ASH1L: variants seen among roughly 807,000 people sequenced by gnomAD.
ASH1L encodes histone-lysine N-methyltransferase ASH1L.
Under a neutral mutation model 269.0 loss-of-function variants are expected in ASH1L, and 23 were observed. That is an observed-to-expected ratio of 0.09 (90% CI 0.06 to 0.12). The LOEUF (loss-of-function observed/expected upper bound fraction) is 0.12, where lower values mean the gene tolerates loss of function less well. ASH1L is among the 10% of genes least tolerant of loss of function. The pLI is 1.00. For synonymous variants in ASH1L, 1,187 were observed against 1,253.5 expected (o/e 0.95, Z 1.12); for missense variants, 2,912 against 3,567.8 (o/e 0.82, Z 4.68).
intron 1 of ASH1L, among the ~76,000 whole-genome samples, chr1:155,551,436 G>A (rs925698692): frequency 1.4e-4 from 21 of 151,846 alleles, no homozygotes; most frequent in East Asian, 3.9e-4. Flanking sequence ...CGAGGCGGGC[G>A]GATCACGAGG....
rs561264219 is a variant in ASH1L, at chr1:155,404,982, C to T, written c.6009-9429G>A. On this transcript the variant is annotated intron_variant, in intron 6 of 27. Coordinates refer to ENST00000392403, the MANE Select transcript of ASH1L (RefSeq NM_018489.3). ...AACAGAGGTTGCAGTAAGCTGAGAC[C>T]GCACCACTGCACGCCAGCCTGGTGA... 1.1e-4 allele frequency among the ~76,000 whole-genome samples: 16 copies of T among 151,390 alleles called. No homozygotes were observed. The South Asian group carries it at 1.9e-3, about 18-fold the overall frequency.
At chr1:155,415,690 T>A in intron 6 of ASH1L, 54 bp downstream of exon 6, 1 of 1,552,652 alleles carries the variant, frequency 6.4e-7, no homozygotes, top group South Asian at 1.2e-5. Context: ...AGTCAAAGTA[T>A]TTTTCCAAAT....
intron 20 of ASH1L, 49 bp downstream of exon 20, chr1:155,347,607 T>C: frequency 6.2e-7 from 1 of 1,605,962 alleles, no homozygotes; most frequent in Non-Finnish European, 8.5e-7. Context: ...TTGAATATGG[T>C]CACCGTGTTC....
chr1:155,563,122 C>T, upstream of ASH1L: 1 of 457,716 alleles, frequency 2.2e-6, no homozygotes, highest in Non-Finnish European at 4.4e-6. Context: ...CTCTGCTCCT[C>T]CTCCTCCGCC....
chr1:155,556,993 A>G (rs1671639103), intron 1 of ASH1L, among the ~76,000 whole-genome samples: 1 of 152,158 alleles, frequency 6.6e-6, no homozygotes, highest in Admixed American at 6.5e-5. Context: ...TTATGCTCGT[A>G]CCACGGCACC....
At chr1:155,369,365 T>C (rs965200101) in intron 12 of ASH1L, among the ~76,000 whole-genome samples, 1 of 151,570 alleles carries the variant, frequency 6.6e-6, no homozygotes. Context: ...GAGAGTGGCA[T>C]GAACCCAGGA....
intron 25 of ASH1L, among the ~76,000 whole-genome samples, chr1:155,341,320 G>GCA (rs1175565525): frequency 4.6e-5 from 7 of 152,210 alleles, no homozygotes; most frequent in Admixed American, 4.6e-4. Flanking sequence ...GGGACCACAG[G>GCA]CACCTGCCAC....
chr1:155,474,320 A>G (rs560345264), intron 3 of ASH1L, among the ~76,000 whole-genome samples: 1 of 152,284 alleles, frequency 6.6e-6, no homozygotes, highest in East Asian at 1.9e-4. Context: ...CTCCAGGTCA[A>G]GCTTCTCTAC....
At chr1:155,458,861 C>A (rs571987046) in intron 4 of ASH1L, among the ~76,000 whole-genome samples, 1 of 151,864 alleles carries the variant, frequency 6.6e-6, no homozygotes, top group East Asian at 1.9e-4. Context: ...CACTCTCCAT[C>A]TCTCTCAGTA....
chr1:155,357,034 G>A (rs1334752818), intron 15 of ASH1L, among the ~76,000 whole-genome samples: 1 of 135,892 alleles, frequency 7.4e-6, no homozygotes, highest in Non-Finnish European at 1.5e-5. Flanking sequence ...AGTTGAGCCA[G>A]GCCTCTGTAT....
In ASH1L at chr1:155,520,997, CAT is replaced by C. The variant is rs1466898423; in HGVS notation, c.420+101_420+102del. 7.2e-6 allele frequency: 9 copies of C among 1,252,532 alleles called. No individual in the cohort carries two copies. In the Admixed American group the frequency reaches 9.4e-5, roughly 13 times the overall value. The allele number at this position is 1,252,532 out of a possible 1,614,324, so 77.6% of individuals were successfully genotyped here. A position where few individuals can be genotyped will look rare whatever the true frequency, so the allele number is the denominator to read the frequency against. ...ACAAAAACAAACTATCTGGAAATAA[CAT>C]AGATTAAAATCAAACTCCCGGAAAT... On this transcript the variant is annotated intron_variant, in intron 2 of 27. Coordinates refer to ENST00000392403, the MANE Select transcript of ASH1L (RefSeq NM_018489.3).
In ASH1L at chr1:155,482,359, T is replaced by A. The variant is rs139488466; in HGVS notation, c.511A>T (p.Asn171Tyr). ...EVIRLHSQGE[N>Y]NPLSKKLSPV... is the part of the protein sequence containing the mutation. Reference sequence around the variant, plus strand: ...GACAGCTTCTTAGACAAAGGATTGTTTTCTCCCTGTGAATGAAGACGGATG... The same window carrying A: ...GACAGCTTCTTAGACAAAGGATTGTATTCTCCCTGTGAATGAAGACGGATG... Residue 171 changes from asparagine (N) to tyrosine (Y), a missense_variant, in exon 3 of 28, where the codon AAC becomes TAC. By Grantham distance (143) the Asn-to-Tyr change is moderately radical. Coordinates refer to ENST00000392403, the MANE Select transcript of ASH1L (RefSeq NM_018489.3). 6.2e-7 allele frequency: 1 copy of A among 1,614,164 alleles called. No individual in the cohort carries two copies. Among genetic ancestry groups the A allele is most frequent in the Admixed American group, 1.7e-5 (1 of 60,024 alleles).
chr1:155,530,411 A>G (rs959237125), intron 1 of ASH1L, among the ~76,000 whole-genome samples: 4 of 152,252 alleles, frequency 2.6e-5, no homozygotes, highest in African/African-American at 7.2e-5. Flanking sequence ...TATGTGGGTT[A>G]TATTTTACGA....
rs1268043833 is a variant in ASH1L, at chr1:155,336,728, A to G, written c.*932T>C. 3 of 152,366 alleles carry G rather than the reference A, an allele frequency of 2.0e-5. No individual in the cohort carries two copies. Among genetic ancestry groups the G allele is most frequent in the Non-Finnish European group, 4.4e-5 (3 of 68,030 alleles). The allele number at this position is 152,366 out of a possible 1,614,324, so 9.4% of individuals were successfully genotyped here. On this transcript the variant is annotated 3_prime_UTR_variant, in exon 28 of 28. Coordinates refer to ENST00000392403, the MANE Select transcript of ASH1L (RefSeq NM_018489.3). Reference sequence around the variant, plus strand: ...TGTTTTCAATTGATAATCTATACTCACAACAAATACTCTGATAGGTGAATA... The same window carrying G: ...TGTTTTCAATTGATAATCTATACTCGCAACAAATACTCTGATAGGTGAATA...
At chr1:155,348,051 G>A in intron 19 of ASH1L, 147 bp from the exon 20 acceptor site, 1 of 918,324 alleles carries the variant, frequency 1.1e-6, no homozygotes, top group East Asian at 2.6e-5. Context: ...TGGCCAGATA[G>A]TTGGTAACAA....
rs547191886 is a variant in ASH1L, at chr1:155,364,359, T to A, written c.6687-3950A>T. Among the ~76,000 whole-genome samples, 4 of 152,202 alleles carry A rather than the reference T, an allele frequency of 2.6e-5. No individual in the cohort carries two copies. The East Asian group carries it at 7.7e-4, about 29-fold the overall frequency. On this transcript the variant is annotated intron_variant, in intron 12 of 27. Coordinates refer to ENST00000392403, the MANE Select transcript of ASH1L (RefSeq NM_018489.3). ...GCTGGGGACATACTTAGGATTAGAG[T>A]TGCTGGTTTACCGGTTATGTTTAGC... is the stretch of plus-strand genomic sequence containing the variant.
intron 12 of ASH1L, among the ~76,000 whole-genome samples, chr1:155,367,558 AT>A (rs1299847593): frequency 6.6e-6 from 1 of 152,024 alleles, no homozygotes; most frequent in Non-Finnish European, 1.5e-5. Context: ...GGATATCCTT[AT>A]TTATGTATAA....
chr1:155,400,223 C>T (rs1422954255), intron 6 of ASH1L, among the ~76,000 whole-genome samples: 7 of 151,586 alleles, frequency 4.6e-5, no homozygotes, highest in Admixed American at 1.3e-4. Context: ...GTCCCAGCTA[C>T]CTGGGAGGCT....
At chr1:155,389,736 T>A (rs1301109557) in intron 7 of ASH1L, among the ~76,000 whole-genome samples, 1 of 152,168 alleles carries the variant, frequency 6.6e-6, no homozygotes, top group Non-Finnish European at 1.5e-5. Flanking sequence ...TCAATAGATA[T>A]GTTTTCAAAT....
Sources: allele counts gnomAD v4.1 joint callset (sites outside exome capture counted in the v4.1 genomes callset), GRCh38; gene constraint gnomAD v4.1.1; transcripts MANE v1.5; gene names NCBI Gene and HGNC (gene_info 2026-07-23, HGNC 2026-07-21).